JMJD1C: variants seen among roughly 807,000 people sequenced by gnomAD.
JMJD1C encodes the protein jumonji domain-containing protein 1C.
Under a neutral mutation model 245.3 loss-of-function variants are expected in JMJD1C, and 31 were observed. The ratio of observed to expected loss-of-function variants is 0.13; its 90% CI spans 0.09 to 0.17. JMJD1C has a LOEUF of 0.17. Ranked by LOEUF, JMJD1C falls within the 10% of genes least tolerant of loss-of-function variation. JMJD1C has a pLI of 1.00. For synonymous variants in JMJD1C, 1,057 were observed against 1,017.4 expected (o/e 1.04, Z -0.74); for missense variants, 2,691 against 3,000.2 (o/e 0.90, Z 2.41).
rs767139890 is a variant in JMJD1C at position 63,465,773 on chromosome 10, A to C, written c.-111T>G. On this transcript the variant is annotated 5_prime_UTR_variant, in exon 1 of 26. Transcript: ENST00000399262. ...AGAGCGGACCGGGACACAGCAGCGG[A>C]CCCGAAAGAGCGCAGACTCGGGACG... 2.3e-6 allele frequency: 3 copies of C among 1,317,056 alleles called. No homozygotes were observed. The highest frequency in any genetic ancestry group is 2.4e-5 in the East Asian group (1 of 41,628). The allele number at this position is 1,317,056 out of a possible 1,614,324, so 81.6% of individuals were successfully genotyped here.
At chr10:63,294,189 C>T (rs755326596) in intron 2 of JMJD1C, among the ~76,000 whole-genome samples, 9 of 152,042 alleles carry the variant, frequency 5.9e-5, no homozygotes, top group Non-Finnish European at 1.0e-4. Context: ...CGTAATTATG[C>T]GTATCTCACA....
upstream of JMJD1C, among the ~76,000 whole-genome samples, chr10:63,469,094 T>C (rs1953409452): frequency 2.0e-5 from 3 of 152,266 alleles, no homozygotes; most frequent in Non-Finnish European, 2.9e-5. Flanking sequence ...GCCTAGTAGT[T>C]ATAGATTTTT....
chr10:63,513,247 C>T (rs1221052168), intron 1 of JMJD1C, among the ~76,000 whole-genome samples: 2 of 152,084 alleles, frequency 1.3e-5, no homozygotes, highest in African/African-American at 4.8e-5. Context: ...GGGATAGCTG[C>T]CAAGCCATTT....
chr10:63,226,153 G>C (rs1202077120), intron 3 of JMJD1C, among the ~76,000 whole-genome samples: 2 of 152,176 alleles, frequency 1.3e-5, no homozygotes, highest in Non-Finnish European at 2.9e-5. Flanking sequence ...ACAACGGGTG[G>C]AAGATACCTT....
chr10:63,427,982 C>T, intron 1 of JMJD1C: 1 of 694,456 alleles, frequency 1.4e-6, no homozygotes, highest in East Asian at 2.7e-5. Flanking sequence ...GCATCCCAGA[C>T]AGTTTGGCTT....
At chr10:63,400,498 T>C (rs1483377915) in intron 1 of JMJD1C, among the ~76,000 whole-genome samples, 1 of 152,098 alleles carries the variant, frequency 6.6e-6, no homozygotes, top group Non-Finnish European at 1.5e-5. Context: ...TCCCGCTTAT[T>C]TTCTAGTTCA....
intron 10 of JMJD1C, among the ~76,000 whole-genome samples, chr10:63,206,207 T>TA (rs1168059444): frequency 6.6e-6 from 1 of 152,192 alleles, no homozygotes; most frequent in Non-Finnish European, 1.5e-5. Flanking sequence ...TACATCTTGT[T>TA]AGAGGTAAAT....
intron 24 of JMJD1C, among the ~76,000 whole-genome samples, chr10:63,175,749 T>C (rs1842812956): frequency 6.6e-6 from 1 of 152,200 alleles, no homozygotes; most frequent in Admixed American, 6.5e-5. Context: ...GAATCCACTG[T>C]GTACTTTTAA....
chr10:63,520,272 GTAT>G (rs1955167819), intron 1 of JMJD1C, among the ~76,000 whole-genome samples: 2 of 152,082 alleles, frequency 1.3e-5, no homozygotes. Flanking sequence ...ACAGACTACA[GTAT>G]TATTACCCCC....
chr10:63,385,416 C>A (rs1298917816), intron 1 of JMJD1C, among the ~76,000 whole-genome samples: 3 of 53,760 alleles, frequency 5.6e-5, no homozygotes, highest in Admixed American at 3.7e-4. Context: ...CTGCCCCCGC[C>A]TTTTTTTTTT....
intron 3 of JMJD1C, among the ~76,000 whole-genome samples, chr10:63,225,456 TAGTG>T (rs1468262224): frequency 6.6e-6 from 1 of 152,078 alleles, no homozygotes; most frequent in Non-Finnish European, 1.5e-5. Context: ...AATTGAACAT[TAGTG>T]AGACACCTTA....
intron 2 of JMJD1C, among the ~76,000 whole-genome samples, chr10:63,325,743 ATT>A (rs1665279590): frequency 1.3e-5 from 2 of 152,212 alleles, no homozygotes; most frequent in African/African-American, 2.4e-5. Context: ...TAAACAGTTA[ATT>A]TACCCAAAAA....
intron 2 of JMJD1C, among the ~76,000 whole-genome samples, chr10:63,310,717 A>G (rs1378304055): frequency 6.6e-6 from 1 of 152,226 alleles, no homozygotes; most frequent in Non-Finnish European, 1.5e-5. Flanking sequence ...TAGAACCAAT[A>G]AGTAATTATC....
At chr10:63,407,164 C>CA (rs1949218931) in intron 1 of JMJD1C, among the ~76,000 whole-genome samples, 1 of 152,136 alleles carries the variant, frequency 6.6e-6, no homozygotes, top group African/African-American at 2.4e-5. Context: ...GCTAGACTCT[C>CA]AGATTTCTCC....
intron 2 of JMJD1C, among the ~76,000 whole-genome samples, chr10:63,296,452 C>CG (rs1859443116): frequency 6.6e-6 from 1 of 152,086 alleles, no homozygotes; most frequent in Admixed American, 6.6e-5. Context: ...AGGCAGTACT[C>CG]GGCACTACAT....
At position 63,213,464 on chromosome 10, in the gene JMJD1C, G is replaced by C; in HGVS notation, c.2694+9C>G. 6.5e-7 allele frequency: 1 copy of C among 1,530,406 alleles called. No homozygotes were observed. 94.8% of individuals were successfully genotyped at this position (1,530,406 alleles called of 1,614,324 possible). On this transcript the variant is annotated intron_variant, in intron 8 of 25. Transcript: ENST00000399262. ...ATACTGCTATGTGGCAAACTACAGT[G>C]TAACTTACCCTCCTTAATGAAGCTT...
chr10:63,202,279 T>C, intron 10 of JMJD1C: 2 of 983,488 alleles, frequency 2.0e-6, no homozygotes, highest in Non-Finnish European at 2.4e-6. Flanking sequence ...AAAAGCAAGC[T>C]ATGTTAGGAT....
intron 2 of JMJD1C, among the ~76,000 whole-genome samples, chr10:63,373,854 A>G (rs2134448755): frequency 1.3e-5 from 2 of 152,322 alleles, no homozygotes; most frequent in South Asian, 4.1e-4. Flanking sequence ...ATGAACAAAA[A>G]AGGAAACAAT....
In JMJD1C at chr10:63,343,121, G is replaced by C. The variant is rs1383552272; in HGVS notation, c.333+37197C>G. Among the ~76,000 whole-genome samples, 4 of 152,190 alleles carry C rather than the reference G, an allele frequency of 2.6e-5. No individual in the cohort carries two copies. In the East Asian group the frequency reaches 5.8e-4, roughly 22 times the overall value. ...TCGCGTCTGCAATCCCAGAACTTTGGGAGGCCAAGATAGGCAGACCGCTTG... is the reference window on the plus strand; with the variant it reads ...TCGCGTCTGCAATCCCAGAACTTTGCGAGGCCAAGATAGGCAGACCGCTTG... On this transcript the variant is annotated intron_variant, in intron 2 of 25. Coordinates refer to ENST00000399262, the MANE Select transcript of JMJD1C (RefSeq NM_032776.3).
Sources: allele counts gnomAD v4.1 joint callset (sites outside exome capture counted in the v4.1 genomes callset), GRCh38; gene constraint gnomAD v4.1.1; transcripts MANE v1.5; gene names NCBI Gene and HGNC (gene_info 2026-07-23, HGNC 2026-07-21).